NEK1: variants seen among roughly 807,000 people sequenced by gnomAD.
The protein encoded by NEK1 is NIMA related kinase 1.
Under a neutral mutation model 182.1 loss-of-function variants are expected in NEK1, and 137 were observed. The ratio of observed to expected loss-of-function variants is 0.75; its 90% CI spans 0.65 to 0.87. The LOEUF is 0.87. Among genes scored for constraint, NEK1 ranks in the 40% least tolerant of loss-of-function variants. NEK1 has a pLI of 0.00. For missense variants in NEK1, 1,391 were observed against 1,494.4 expected (o/e 0.93, Z 1.14); for synonymous variants, 513 against 492.2 (o/e 1.04, Z -0.56).
At chr4:169,410,750 T>C (rs1733531918) in intron 31 of NEK1, among the ~76,000 whole-genome samples, 1 of 152,258 alleles carries the variant, frequency 6.6e-6, no homozygotes, top group Admixed American at 6.5e-5. Flanking sequence ...ATGTGAATTA[T>C]ACATTCATCA....
intron 23 of NEK1, among the ~76,000 whole-genome samples, chr4:169,482,746 C>G (rs533053831): frequency 6.6e-6 from 1 of 152,130 alleles, no homozygotes; most frequent in East Asian, 1.9e-4. Context: ...ACATGATTCT[C>G]CTGCCTCAGC....
chr4:169,399,697 T>C (rs1731323120), intron 35 of NEK1, among the ~76,000 whole-genome samples: 2 of 152,212 alleles, frequency 1.3e-5, no homozygotes, highest in African/African-American at 4.8e-5. Context: ...CACAGCTCAC[T>C]GCAGCTTCAA....
chr4:169,556,275 C>T (rs1489671601), intron 16 of NEK1, among the ~76,000 whole-genome samples, 180 bp from the exon 17 acceptor site: 1 of 151,980 alleles, frequency 6.6e-6, no homozygotes, highest in African/African-American at 2.4e-5. Context: ...CTATTAACAA[C>T]CAAAAAGCAG....
At chr4:169,494,596 C>T (rs1001881103) in intron 23 of NEK1, among the ~76,000 whole-genome samples, 2 of 152,204 alleles carry the variant, frequency 1.3e-5, no homozygotes, top group African/African-American at 4.8e-5. Context: ...GTTATATAAT[C>T]CTCTGGGTAC....
At chr4:169,451,198 C>G (rs992791381) in intron 27 of NEK1, among the ~76,000 whole-genome samples, 1 of 152,160 alleles carries the variant, frequency 6.6e-6, no homozygotes, top group Non-Finnish European at 1.5e-5. Flanking sequence ...GAGACTTTAA[C>G]ACCCAACTGT....
At position 169,610,828 on chromosome 4, in the gene NEK1, G is replaced by A. The variant is rs539309144; in HGVS notation, c.-49+1192C>T. Among the ~76,000 whole-genome samples the A allele has an allele frequency of 3.3e-5, 5 of 152,318 alleles. No individual in the cohort carries two copies. In the South Asian group the frequency reaches 8.3e-4, roughly 25 times the overall value. ...GAAACATGGTAAAGGCATGGCAACA[G>A]GTTTCAAGAAGTCTTTTGGCGCTGT... On this transcript the variant is annotated intron_variant, in intron 2 of 35. Coordinates refer to ENST00000507142, the MANE Select transcript of NEK1 (RefSeq NM_001199397.3).
At chr4:169,564,958 T>C (rs547814927) in intron 12 of NEK1, among the ~76,000 whole-genome samples, 2 of 152,288 alleles carry the variant, frequency 1.3e-5, no homozygotes, top group East Asian at 3.9e-4. Context: ...TCCACTCTTA[T>C]GACTAACTAA....
intron 32 of NEK1, among the ~76,000 whole-genome samples, chr4:169,403,325 T>A (rs1319720572): frequency 1.3e-5 from 2 of 152,082 alleles, no homozygotes; most frequent in African/African-American, 2.4e-5. Context: ...CCTAGCCCTT[T>A]GGGAGGCTGA....
At chr4:169,411,918 A>G (rs1397815774) in intron 31 of NEK1, among the ~76,000 whole-genome samples, 1 of 152,240 alleles carries the variant, frequency 6.6e-6, no homozygotes, top group Non-Finnish European at 1.5e-5. Context: ...GAATACCTTC[A>G]TACCTGACTA....
intron 1 of NEK1, 21 bp from the exon 2 acceptor site, chr4:169,612,164 G>GTTA (rs1327262998): frequency 2.0e-5 from 3 of 152,400 alleles, no homozygotes; most frequent in Non-Finnish European, 4.4e-5. Flanking sequence ...AACCAAGACT[G>GTTA]TCTAACCAGC....
At chr4:169,498,958 C>G (rs1193393754) in intron 23 of NEK1, among the ~76,000 whole-genome samples, 1 of 152,152 alleles carries the variant, frequency 6.6e-6, no homozygotes, top group Admixed American at 6.5e-5. Flanking sequence ...GCATGTCTTG[C>G]TAGATTGGGG....
chr4:169,550,013 C>T lies in NEK1; in HGVS notation c.1562+5707G>A, dbSNP rs578215960. On this transcript the variant is annotated intron_variant, in intron 18 of 35. Transcript: ENST00000507142. ...CAATTCTCAGATTCTTTAATTATTC[C>T]TCATAAAATTTTTCAAGATTTAGCA... Among the ~76,000 whole-genome samples the T allele has an allele frequency of 2.0e-5, 3 of 152,196 alleles. No individual in the cohort carries two copies. In the East Asian group the frequency reaches 5.8e-4, roughly 29 times the overall value.
chr4:169,582,912 G>T (rs761502933), intron 10 of NEK1, among the ~76,000 whole-genome samples: 2 of 152,076 alleles, frequency 1.3e-5, no homozygotes, highest in African/African-American at 2.4e-5. Context: ...CCACTGGACA[G>T]CCCCTACATT....
rs556125927 is a variant in NEK1 at position 169,477,698 on chromosome 4, G to T, written c.2140-201C>A. Among the ~76,000 whole-genome samples the T allele has an allele frequency of 9.2e-5, 14 of 151,908 alleles. No homozygotes were observed. In the East Asian group the frequency reaches 2.3e-3, roughly 25 times the overall value. ...TATTATTAATTAGACAACATAGACA[G>T]GGGCCAATTCTCAATTATTTGTCAT... On this transcript the variant is annotated intron_variant, in intron 24 of 35. Coordinates refer to ENST00000507142, the MANE Select transcript of NEK1 (RefSeq NM_001199397.3).
chr4:169,523,291 T>C (rs1185603991), intron 19 of NEK1, among the ~76,000 whole-genome samples: 1 of 152,214 alleles, frequency 6.6e-6, no homozygotes, highest in Non-Finnish European at 1.5e-5. Flanking sequence ...TCTCAAACCC[T>C]AGTACCTCAG....
intron 5 of NEK1, among the ~76,000 whole-genome samples, chr4:169,598,246 A>G (rs1298502432): frequency 1.3e-5 from 2 of 152,190 alleles, no homozygotes; most frequent in African/African-American, 4.8e-5. Context: ...ATTCCTTATA[A>G]ATTGAAAAAA....
intron 26 of NEK1, among the ~76,000 whole-genome samples, chr4:169,464,530 C>G (rs368515120): frequency 1.3e-5 from 2 of 152,112 alleles, no homozygotes; most frequent in Non-Finnish European, 2.9e-5. Context: ...CACATGGGGT[C>G]AGATGTGGGG....
intron 35 of NEK1, among the ~76,000 whole-genome samples, chr4:169,399,763 G>A (rs1464861194): frequency 1.3e-5 from 2 of 151,978 alleles, no homozygotes; most frequent in Admixed American, 6.6e-5. Context: ...TGGGACTAGA[G>A]GTGCCCACCA....
chr4:169,468,316 G>A (rs1745306875), intron 26 of NEK1, among the ~76,000 whole-genome samples: 1 of 152,062 alleles, frequency 6.6e-6, no homozygotes, highest in Admixed American at 6.6e-5. Context: ...AGTTGCCCCT[G>A]GGAGGATAAG....
Sources: gnomAD v4.1 joint callset for allele counts (sites outside exome capture counted in the v4.1 genomes callset) on GRCh38, gnomAD v4.1.1 for gene constraint, MANE v1.5 for transcripts, NCBI Gene and HGNC (gene_info 2026-07-23, HGNC 2026-07-21) for gene names.